Variants in LDAF1 observed in about 807,000 individuals in gnomAD.
LDAF1 encodes lipid droplet assembly factor 1.
Under a neutral mutation model 13.5 loss-of-function variants are expected in LDAF1, and 7 were observed. That is an observed-to-expected ratio of 0.52 (90% confidence interval 0.29 to 0.97). The LOEUF (loss-of-function observed/expected upper bound fraction) is 0.97, where lower values mean the gene tolerates loss of function less well. LDAF1 is among the 50% of genes least tolerant of loss of function. The pLI is 0.07. For synonymous variants in LDAF1, 69 were observed against 77.1 expected (o/e 0.89, Z 0.55); for missense variants, 148 against 193.2 (o/e 0.77, Z 1.39).
At chr16:21,177,986 G>T (rs1226301519) in intron 4 of LDAF1, among the ~76,000 whole-genome samples, 3 of 152,090 alleles carry the variant, frequency 2.0e-5, no homozygotes, top group African/African-American at 7.2e-5. Context: ...AGCATGGAAT[G>T]GGGGGAAGAG....
intron 4 of LDAF1, among the ~76,000 whole-genome samples, chr16:21,177,948 AAG>A (rs1013704361): frequency 6.6e-6 from 1 of 152,138 alleles, no homozygotes; most frequent in African/African-American, 2.4e-5. Context: ...AACTCAAAAA[AAG>A]ATAACTCCCT....
At chr16:21,165,336 G>C (rs1375319055) in intron 2 of LDAF1, among the ~76,000 whole-genome samples, 1 of 152,054 alleles carries the variant, frequency 6.6e-6, no homozygotes, top group Non-Finnish European at 1.5e-5. Flanking sequence ...GCCTGAACCT[G>C]GGAAGCGGAA....
intron 4 of LDAF1, 41 bp downstream of exon 4, chr16:21,174,189 TC>T: frequency 6.4e-7 from 1 of 1,573,412 alleles, no homozygotes; most frequent in Non-Finnish European, 8.6e-7. Flanking sequence ...TTTTAATCTT[TC>T]TACTTTTTTG....
intron 2 of LDAF1, among the ~76,000 whole-genome samples, chr16:21,161,801 G>A (rs550357621): frequency 2.6e-5 from 4 of 152,254 alleles, no homozygotes; most frequent in Non-Finnish European, 5.9e-5. Flanking sequence ...AATATGATGT[G>A]AGTCACGTAT....
At chr16:21,170,732 C>T in intron 3 of LDAF1, 127 bp downstream of exon 3, 1 of 1,160,686 alleles carries the variant, frequency 8.6e-7, no homozygotes. Flanking sequence ...TCTCAAACTC[C>T]TGGGCTCAAG....
At chr16:21,159,643 C>T (rs542773920) in intron 1 of LDAF1, among the ~76,000 whole-genome samples, 89 of 152,350 alleles carry the variant, frequency 5.8e-4, no homozygotes, top group African/African-American at 2.0e-3. Context: ...CTCGCTTTCC[C>T]TTCTCGGGAG....
At chr16:21,166,847 A>G in intron 2 of LDAF1, 2 of 1,535,698 alleles carry the variant, frequency 1.3e-6, no homozygotes, top group Non-Finnish European at 1.7e-6. Context: ...CAGCTGCCCC[A>G]ACACAGCAGG....
At chr16:21,166,489 G>A (rs1297172412) in intron 2 of LDAF1, among the ~76,000 whole-genome samples, 4 of 152,226 alleles carry the variant, frequency 2.6e-5, no homozygotes, top group Non-Finnish European at 5.9e-5. Context: ...CACAGGAGGA[G>A]CATTTCAAGT....
intron 1 of LDAF1, chr16:21,159,955 G>T: frequency 6.1e-6 from 6 of 985,268 alleles, no homozygotes; most frequent in Non-Finnish European, 7.2e-6. Context: ...GTGGGGTGGT[G>T]GGATTAGTCC....
intron 4 of LDAF1, among the ~76,000 whole-genome samples, chr16:21,177,665 CTGGAGTGCA>C (rs1416871660): frequency 1.6e-5 from 2 of 127,928 alleles, no homozygotes; most frequent in Non-Finnish European, 3.3e-5. Context: ...CTCACCCAGG[CTGGAGTGCA>C]GTGGCTTGAT....
intron 3 of LDAF1, 56 bp downstream of exon 3, chr16:21,170,661 C>G: frequency 6.2e-7 from 1 of 1,603,212 alleles, no homozygotes; most frequent in Non-Finnish European, 8.5e-7. Flanking sequence ...GAGAAAAATA[C>G]TTTTGGGGCC....
chr16:21,174,075 C>T lies in LDAF1; in HGVS notation c.331C>T (p.Leu111Phe), dbSNP rs770597733. The T allele has an allele frequency of 6.2e-7, 1 of 1,614,142 alleles. No homozygotes were observed. Among genetic ancestry groups the T allele is most frequent in the Non-Finnish European group, 8.5e-7 (1 of 1,179,998 alleles). The change falls in exon 4 of 5, where the codon CTC becomes TTC. Residue 111 changes from leucine (L) to phenylalanine (F), a missense_variant. Transcript: ENST00000233047. Reference sequence around the variant, plus strand: ...CCTCTGTGGTTTGGGCTTCGTATCACTCGCCATGTCGGGGATGATGATAGC... The same window carrying T: ...CCTCTGTGGTTTGGGCTTCGTATCATTCGCCATGTCGGGGATGATGATAGC... Reference protein sequence around the residue: ...CILCGLGFVSLAMSGMMIASY... With the variant: ...CILCGLGFVSFAMSGMMIASY...
chr16:21,176,562 G>A (rs2093140264), intron 4 of LDAF1, among the ~76,000 whole-genome samples: 1 of 152,196 alleles, frequency 6.6e-6, no homozygotes, highest in East Asian at 1.9e-4. Context: ...AGGATCATTT[G>A]GGCCCAGGAG....
chr16:21,159,591 C>T, intron 1 of LDAF1: 1 of 783,762 alleles, frequency 1.3e-6, no homozygotes. Context: ...CCCAGTCCCC[C>T]AGGCGTGAAG....
At chr16:21,166,815 T>G in intron 2 of LDAF1, 1 of 1,534,676 alleles carries the variant, frequency 6.5e-7, no homozygotes, top group Non-Finnish European at 8.7e-7. Flanking sequence ...CTCCCACGGC[T>G]CCTCCGCCTC....
intron 2 of LDAF1, among the ~76,000 whole-genome samples, chr16:21,164,365 C>T (rs2093005142): frequency 6.6e-6 from 1 of 152,176 alleles, no homozygotes; most frequent in Non-Finnish European, 1.5e-5. Context: ...CAGCCTCAGC[C>T]TCCTGAGTAG....
chr16:21,177,693 A>G (rs2093151978), intron 4 of LDAF1, among the ~76,000 whole-genome samples: 1 of 137,582 alleles, frequency 7.3e-6, no homozygotes, highest in African/African-American at 2.8e-5. Flanking sequence ...ATCTTGGTTC[A>G]CACAACCTCT....
chr16:21,159,314 C>G (rs1290564792), intron 1 of LDAF1: 1 of 1,610,006 alleles, frequency 6.2e-7, no homozygotes, highest in East Asian at 2.2e-5. Flanking sequence ...GGACGCGGAC[C>G]CCCTCTCCAC....
At position 21,170,329 on chromosome 16, in the gene LDAF1, T is replaced by C. The variant is rs1037950228; in HGVS notation, c.97-108T>C. ...GTAGTGACTTGTTAATGCATAAGCC[T>C]TCTGGCTTTACGACTTCTGCCTTGT... On this transcript the variant is annotated intron_variant, in intron 2 of 4. Transcript: ENST00000233047. 3 of 1,561,744 alleles carry C rather than the reference T, an allele frequency of 1.9e-6. No homozygotes were observed. The African/African-American group carries it at 4.1e-5, about 21-fold the overall frequency.
Sources: gnomAD v4.1 joint callset for allele counts (sites outside exome capture counted in the v4.1 genomes callset) on GRCh38, gnomAD v4.1.1 for gene constraint, MANE v1.5 for transcripts, NCBI Gene and HGNC (gene_info 2026-07-23, HGNC 2026-07-21) for gene names.